SOCS6: variants seen among roughly 807,000 people sequenced by gnomAD.
SOCS6 encodes STAT induced STAT inhibitor-4.
SOCS6 carries 5 observed loss-of-function variants against 27.7 expected under a neutral mutation model. The observed-to-expected ratio is 0.18, with a 90% CI of 0.09 to 0.38. The LOEUF is 0.38. Among genes scored for constraint, SOCS6 ranks in the 10% least tolerant of loss-of-function variants. The pLI is 1.00. For missense variants in SOCS6, 595 were observed against 688.1 expected (o/e 0.86, Z 1.51); for synonymous variants, 271 against 260.0 (o/e 1.04, Z -0.41).
At chr18:70,322,390 T>C (rs1568604568) in intron 1 of SOCS6, among the ~76,000 whole-genome samples, 1 of 152,218 alleles carries the variant, frequency 6.6e-6, no homozygotes, top group Admixed American at 6.5e-5. Flanking sequence ...ATTTTGTTTC[T>C]TTAATATTAG....
intron 1 of SOCS6, among the ~76,000 whole-genome samples, chr18:70,294,894 C>T (rs968708459): frequency 1.3e-5 from 2 of 152,206 alleles, no homozygotes; most frequent in Non-Finnish European, 2.9e-5. Flanking sequence ...CACTAAAATA[C>T]TTTCTAAAAT....
At chr18:70,320,007 T>C (rs907135351) in intron 1 of SOCS6, among the ~76,000 whole-genome samples, 1 of 152,072 alleles carries the variant, frequency 6.6e-6, no homozygotes, top group Non-Finnish European at 1.5e-5. Flanking sequence ...TTCTTTTTTT[T>C]TTTGAGATGG....
chr18:70,305,237 T>C (rs947023394), intron 1 of SOCS6, among the ~76,000 whole-genome samples: 6 of 152,234 alleles, frequency 3.9e-5, no homozygotes, highest in Non-Finnish European at 7.3e-5. Flanking sequence ...TTTTATAGTT[T>C]TAGTTCATAC....
chr18:70,309,501 C>G (rs2062381976), intron 1 of SOCS6, among the ~76,000 whole-genome samples: 1 of 151,774 alleles, frequency 6.6e-6, no homozygotes, highest in African/African-American at 2.4e-5. Flanking sequence ...AATTTAATTC[C>G]TCTCTTGACG....
chr18:70,314,398 G>A (rs187765483), intron 1 of SOCS6, among the ~76,000 whole-genome samples: 1 of 152,256 alleles, frequency 6.6e-6, no homozygotes, highest in African/African-American at 2.4e-5. Context: ...GATGAACCGA[G>A]TGTGTAATGT....
At chr18:70,304,940 C>T (rs2062362928) in intron 1 of SOCS6, among the ~76,000 whole-genome samples, 2 of 152,314 alleles carry the variant, frequency 1.3e-5, no homozygotes, top group African/African-American at 2.4e-5. Context: ...AGCGCGGTGG[C>T]TCACGCCTGT....
At chr18:70,300,178 G>A (rs189085506) in intron 1 of SOCS6, among the ~76,000 whole-genome samples, 2 of 151,942 alleles carry the variant, frequency 1.3e-5, no homozygotes, top group East Asian at 3.9e-4. Context: ...CCAAGCTGGA[G>A]TGCAGTGGCA....
chr18:70,317,791 C>T (rs796536230), intron 1 of SOCS6, among the ~76,000 whole-genome samples: 39 of 152,118 alleles, frequency 2.6e-4, no homozygotes, highest in African/African-American at 9.4e-4. Flanking sequence ...TTCTAGTTTA[C>T]ATTCCCGCCA....
intron 1 of SOCS6, among the ~76,000 whole-genome samples, chr18:70,304,908 A>G (rs1360840540): frequency 6.6e-6 from 1 of 152,144 alleles, no homozygotes; most frequent in Non-Finnish European, 1.5e-5. Flanking sequence ...TTTTTTAAAG[A>G]AGTTTTATAG....
Position 70,326,837 on chromosome 18 carries a change from G to A in SOCS6, c.*561G>A, listed in dbSNP as rs1027099448. 4.8e-5 allele frequency: 8 copies of A among 166,968 alleles called. No individual in the cohort carries two copies. Among genetic ancestry groups the A allele is most frequent in the South Asian group, 4.1e-4 (2 of 4,826 alleles). The allele number at this position is 166,968 out of a possible 1,614,324, so 10.3% of individuals were successfully genotyped here. A position where few individuals can be genotyped will look rare whatever the true frequency, so the allele number is the denominator to read the frequency against. On this transcript the variant is annotated 3_prime_UTR_variant, in exon 2 of 2. Coordinates refer to ENST00000397942, the MANE Select transcript of SOCS6 (RefSeq NM_004232.4). ...TTGACATAATCTTGGGTAATGGAACGGAGATCTGCAACATATCTTTTAACA... is the reference window on the plus strand; with the variant it reads ...TTGACATAATCTTGGGTAATGGAACAGAGATCTGCAACATATCTTTTAACA...
In SOCS6 at chr18:70,324,641, G is replaced by A. The variant is rs373053671; in HGVS notation, c.-28G>A. ...GGATAATATTCCAGATAGAAATATT[G>A]ATCCCTTGGATTAGGTAACTAGTCA... is the stretch of plus-strand genomic sequence containing the variant. On this transcript the variant is annotated 5_prime_UTR_variant, in exon 2 of 2. Transcript: ENST00000397942. The A allele has an allele frequency of 7.0e-7, 1 of 1,424,942 alleles. No individual in the cohort carries two copies. The highest frequency in any genetic ancestry group is 9.6e-7 in the Non-Finnish European group (1 of 1,038,986). 88.3% of individuals were successfully genotyped at this position (1,424,942 alleles called of 1,614,324 possible). A position where few individuals can be genotyped will look rare whatever the true frequency, so the allele number is the denominator to read the frequency against.
chr18:70,323,144 T>C (rs143327237), intron 1 of SOCS6, among the ~76,000 whole-genome samples: 1 of 152,118 alleles, frequency 6.6e-6, no homozygotes, highest in Non-Finnish European at 1.5e-5. Context: ...AGAAACTGAG[T>C]GGCGCTAAAC....
Position 70,324,647 on chromosome 18 carries a change from T to C in SOCS6, c.-22T>C. On this transcript the variant is annotated 5_prime_UTR_variant, in exon 2 of 2. Coordinates refer to ENST00000397942, the MANE Select transcript of SOCS6 (RefSeq NM_004232.4). The stretch of plus-strand genomic sequence containing the variant: ...TATTCCAGATAGAAATATTGATCCC[T>C]TGGATTAGGTAACTAGTCATAATGA... 1 of 1,475,038 alleles carries C rather than the reference T, an allele frequency of 6.8e-7. No individual in the cohort carries two copies. The highest frequency in any genetic ancestry group is 9.3e-7 in the Non-Finnish European group (1 of 1,079,978). 91.4% of individuals were successfully genotyped at this position (1,475,038 alleles called of 1,614,324 possible).
chr18:70,328,122 A>G lies in SOCS6; in HGVS notation c.*1846A>G, dbSNP rs1911280590. 6.0e-6 allele frequency: 1 copy of G among 166,672 alleles called. No individual in the cohort carries two copies. The highest frequency in any genetic ancestry group is 2.4e-5 in the African/African-American group (1 of 41,476). 10.3% of individuals were successfully genotyped at this position (166,672 alleles called of 1,614,324 possible). A position where few individuals can be genotyped will look rare whatever the true frequency, so the allele number is the denominator to read the frequency against. ...TACTGTAATAATATAAGTGTTCATT[A>G]TAAGCTATTTGGATTAAGAACTATT... is the stretch of plus-strand genomic sequence containing the variant. On this transcript the variant is annotated 3_prime_UTR_variant, in exon 2 of 2. Coordinates refer to ENST00000397942, the MANE Select transcript of SOCS6 (RefSeq NM_004232.4).
intron 1 of SOCS6, among the ~76,000 whole-genome samples, chr18:70,310,587 C>T (rs1381651785): frequency 6.7e-6 from 1 of 149,608 alleles, no homozygotes; most frequent in East Asian, 2.0e-4. Context: ...GGATTATAGG[C>T]GTGAGCCACC....
At chr18:70,291,220 C>T (rs372497594) in intron 1 of SOCS6, among the ~76,000 whole-genome samples, 1 of 152,332 alleles carries the variant, frequency 6.6e-6, no homozygotes, top group African/African-American at 2.4e-5. Flanking sequence ...GATCCACCTC[C>T]CTCAGCCTCC....
rs755075112 is a variant in SOCS6 at position 70,324,979 on chromosome 18, TCTC to T, written c.321_323del (p.Ser108del). ...GGGAGCTCTGCCGACGAGGACACCT[TCTC>T]CTCCTCCTCAGCACCCATAGTCTTT... is the stretch of plus-strand genomic sequence containing the variant. On this transcript the variant is annotated inframe_deletion, in exon 2 of 2. Coordinates refer to ENST00000397942, the MANE Select transcript of SOCS6 (RefSeq NM_004232.4). The T allele has an allele frequency of 2.4e-5, 38 of 1,612,964 alleles. No individual in the cohort carries two copies. Among genetic ancestry groups the T allele is most frequent in the East Asian group, 1.1e-4 (5 of 44,782 alleles).
At position 70,318,172 on chromosome 18, in the gene SOCS6, G is replaced by GT. The variant is rs540368758; in HGVS notation, c.-126-6362dup. Among the ~76,000 whole-genome samples, 188 of 151,434 alleles carry GT rather than the reference G, an allele frequency of 1.2e-3. 3 individuals carry two copies. The South Asian group carries it at 0.037, about 30-fold the overall frequency. ...TACCTGGCCTATTATTTATTATATA[G>GT]TTTTTTTTTAAAGGAATGTTTCCCT... On this transcript the variant is annotated intron_variant, in intron 1 of 1. Transcript: ENST00000397942.
intron 1 of SOCS6, among the ~76,000 whole-genome samples, chr18:70,295,415 G>C (rs189592005): frequency 6.6e-6 from 1 of 152,268 alleles, no homozygotes; most frequent in East Asian, 1.9e-4. Context: ...AGCATGCTTT[G>C]AAAGTCAGAT....
Sources: allele counts gnomAD v4.1 joint callset (sites outside exome capture counted in the v4.1 genomes callset), GRCh38; gene constraint gnomAD v4.1.1; transcripts MANE v1.5; gene names NCBI Gene and HGNC (gene_info 2026-07-23, HGNC 2026-07-21).